The following USP46 variants were observed in gnomAD, a reference collection of about 807,000 sequenced individuals.
USP46 encodes ubiquitin specific peptidase 46.
Under a neutral mutation model 44.4 loss-of-function variants are expected in USP46, and 12 were observed. The observed-to-expected ratio is 0.27, with a 90% CI of 0.17 to 0.44. The LOEUF is 0.44. Among genes scored for constraint, USP46 ranks in the 20% least tolerant of loss-of-function variants. The pLI is 1.00. For synonymous variants in USP46, 155 were observed against 161.5 expected (o/e 0.96, Z 0.31); for missense variants, 248 against 444.8 (o/e 0.56, Z 3.98).
chr4:52,644,711 G>T (rs1399710984), intron 1 of USP46, among the ~76,000 whole-genome samples: 1 of 148,920 alleles, frequency 6.7e-6, no homozygotes, highest in African/African-American at 2.5e-5. Flanking sequence ...AAAGTTTGGG[G>T]ACCGCTATCT....
chr4:52,639,220 T>G (rs1250020330), intron 1 of USP46, among the ~76,000 whole-genome samples: 4 of 152,200 alleles, frequency 2.6e-5, no homozygotes, highest in Non-Finnish European at 5.9e-5. Context: ...ACCCTGCAAT[T>G]TGACTTTTTT....
At chr4:52,597,868 C>G in intron 8 of USP46, 127 bp from the exon 9 acceptor site, 1 of 682,400 alleles carries the variant, frequency 1.5e-6, no homozygotes, top group Middle Eastern at 3.8e-4. Flanking sequence ...TCATTAGGAA[C>G]TTTCAATAGC....
rs561660192 is a variant in USP46, at chr4:52,596,622, G to C, written c.*1018C>G. 1 of 152,188 alleles carries C rather than the reference G, an allele frequency of 6.6e-6. No homozygotes were observed. The highest frequency in any genetic ancestry group is 2.4e-5 in the African/African-American group (1 of 41,436). 9.4% of individuals were successfully genotyped at this position (152,188 alleles called of 1,614,324 possible). A position where few individuals can be genotyped will look rare whatever the true frequency, so the allele number is the denominator to read the frequency against. ...TGTATCAGCCCTGGGACTCGCCAGT[G>C]CCTCAGTAAACAGACGGACTATGTT... is the stretch of plus-strand genomic sequence containing the variant. On this transcript the variant is annotated 3_prime_UTR_variant, in exon 9 of 9. Coordinates refer to ENST00000441222, the MANE Select transcript of USP46 (RefSeq NM_022832.4).
intron 4 of USP46, among the ~76,000 whole-genome samples, chr4:52,624,856 T>A (rs1364129578): frequency 1.3e-5 from 2 of 152,322 alleles, no homozygotes; most frequent in East Asian, 3.9e-4. Flanking sequence ...GACAGCTGTC[T>A]GCAAGGCAGA....
In USP46 at chr4:52,628,181, G is replaced by A. The variant is rs1349679501; in HGVS notation, c.118-18C>T. On this transcript the variant is annotated intron_variant, in intron 2 of 8. Transcript: ENST00000441222. ...TTTCCAAACTGCCAAGGGACAAGAGGGATGGCTCAAGTCATTGCCTGGGGA... is the reference window on the plus strand; with the variant it reads ...TTTCCAAACTGCCAAGGGACAAGAGAGATGGCTCAAGTCATTGCCTGGGGA... 1.9e-6 allele frequency: 3 copies of A among 1,609,696 alleles called. No individual in the cohort carries two copies. The Admixed American group carries it at 5.0e-5, about 27-fold the overall frequency.
At chr4:52,600,637 G>T (rs200720554) in intron 7 of USP46, among the ~76,000 whole-genome samples, 2 of 152,116 alleles carry the variant, frequency 1.3e-5, no homozygotes, top group East Asian at 3.9e-4. Flanking sequence ...CACCCACAGA[G>T]ACCCACACTG....
At position 52,593,630 on chromosome 4, in the gene USP46, G is replaced by A. The variant is rs189734203; in HGVS notation, c.*4010C>T. 3.9e-5 allele frequency: 6 copies of A among 152,380 alleles called. No homozygotes were observed. The East Asian group carries it at 1.2e-3, about 29-fold the overall frequency. 9.4% of individuals were successfully genotyped at this position (152,380 alleles called of 1,614,324 possible). On this transcript the variant is annotated 3_prime_UTR_variant, in exon 9 of 9. Coordinates refer to ENST00000441222, the MANE Select transcript of USP46 (RefSeq NM_022832.4). ...GTGCCTGCCCTCCTTCTGGGGCAGG[G>A]AGTGGTGTGAACCCACGTGAGTATT...
At chr4:52,605,567 G>T (rs991593176) in intron 5 of USP46, among the ~76,000 whole-genome samples, 1 of 152,144 alleles carries the variant, frequency 6.6e-6, no homozygotes, top group African/African-American at 2.4e-5. Context: ...CACATCAAAA[G>T]AAAACACAGA....
intron 6 of USP46, among the ~76,000 whole-genome samples, chr4:52,603,428 T>A (rs979881250): frequency 6.6e-6 from 1 of 152,158 alleles, no homozygotes; most frequent in Non-Finnish European, 1.5e-5. Context: ...AGAGAAATGA[T>A]CTCAACCTCA....
At chr4:52,621,535 A>G (rs1717375929) in intron 4 of USP46, among the ~76,000 whole-genome samples, 1 of 152,108 alleles carries the variant, frequency 6.6e-6, no homozygotes, top group Admixed American at 6.5e-5. Flanking sequence ...GCACACCTGT[A>G]ATCCAGGCTA....
At chr4:52,610,840 C>G (rs1042313888) in intron 4 of USP46, among the ~76,000 whole-genome samples, 1 of 152,192 alleles carries the variant, frequency 6.6e-6, no homozygotes, top group Non-Finnish European at 1.5e-5. Flanking sequence ...TTTTGACTCA[C>G]AGCTTTTAAT....
intron 4 of USP46, among the ~76,000 whole-genome samples, chr4:52,611,284 G>A (rs1213461271): frequency 3.9e-5 from 6 of 152,204 alleles, no homozygotes; most frequent in East Asian, 1.9e-4. Flanking sequence ...CAGCTGAGCC[G>A]GTTCGGTGGC....
intron 1 of USP46, among the ~76,000 whole-genome samples, chr4:52,642,705 A>G (rs755949915): frequency 1.4e-4 from 22 of 152,230 alleles, no homozygotes; most frequent in Non-Finnish European, 2.9e-4. Context: ...TTAAGAGGAA[A>G]GCAGATTTTT....
intron 1 of USP46, chr4:52,656,486 C>T (rs1718956071): frequency 1.4e-6 from 2 of 1,453,730 alleles, no homozygotes; most frequent in Non-Finnish European, 1.8e-6. Flanking sequence ...ATTCCCACTC[C>T]AGCCTTCCTA....
chr4:52,642,136 T>C (rs1718366235), intron 1 of USP46, among the ~76,000 whole-genome samples: 1 of 152,190 alleles, frequency 6.6e-6, no homozygotes, highest in Non-Finnish European at 1.5e-5. Flanking sequence ...GATCTCAGGA[T>C]GAGTCAGAAG....
At chr4:52,629,680 C>A (rs1470981133) in intron 2 of USP46, 1 of 456,288 alleles carries the variant, frequency 2.2e-6, no homozygotes, top group Non-Finnish European at 4.4e-6. Flanking sequence ...ATTCAGTGGA[C>A]AACTCCTGGG....
chr4:52,642,556 TC>T (rs1718387883), intron 1 of USP46, among the ~76,000 whole-genome samples: 1 of 152,184 alleles, frequency 6.6e-6, no homozygotes, highest in South Asian at 2.1e-4. Flanking sequence ...AGAACCCCCT[TC>T]CTTCTGAAGC....
At chr4:52,641,161 C>A (rs1450190482) in intron 1 of USP46, among the ~76,000 whole-genome samples, 1 of 152,038 alleles carries the variant, frequency 6.6e-6, no homozygotes, top group Non-Finnish European at 1.5e-5. Context: ...ACACAAAAGG[C>A]AATGAGGGGA....
intron 1 of USP46, among the ~76,000 whole-genome samples, chr4:52,650,430 TG>T (rs1718712301): frequency 6.6e-6 from 1 of 152,256 alleles, no homozygotes; most frequent in African/African-American, 2.4e-5. Context: ...AAGACATGTT[TG>T]GTAAACACCA....
Sources: allele counts gnomAD v4.1 joint callset (sites outside exome capture counted in the v4.1 genomes callset), GRCh38; gene constraint gnomAD v4.1.1; transcripts MANE v1.5; gene names NCBI Gene and HGNC (gene_info 2026-07-23, HGNC 2026-07-21).